CEP57: variants seen among roughly 807,000 people sequenced by gnomAD.
CEP57 encodes centrosomal protein of 57 kDa.
Under a neutral mutation model 68.0 loss-of-function variants are expected in CEP57, and 40 were observed. That is an observed-to-expected ratio of 0.59 (90% CI 0.46 to 0.77). CEP57 has a LOEUF of 0.77. Ranked by LOEUF, CEP57 falls within the 30% of genes least tolerant of loss-of-function variation. CEP57 has a pLI of 0.00. For synonymous variants in CEP57, 219 were observed against 198.7 expected (o/e 1.10, Z -0.86); for missense variants, 606 against 580.7 (o/e 1.04, Z -0.45).
intron 4 of CEP57, 23 bp downstream of exon 4, chr11:95,813,612 T>C: frequency 6.2e-7 from 1 of 1,611,524 alleles, no homozygotes; most frequent in Non-Finnish European, 8.5e-7. Flanking sequence ...CCTCACAGAT[T>C]GATACTCAAG....
intron 2 of CEP57, among the ~76,000 whole-genome samples, chr11:95,812,591 C>T (rs899094129): frequency 1.3e-5 from 2 of 151,800 alleles, no homozygotes; most frequent in South Asian, 2.1e-4. Context: ...TACAGGCGCC[C>T]GCCACTATGC....
chr11:95,827,436 T>C (rs562357885), intron 8 of CEP57: 1 of 260,550 alleles, frequency 3.8e-6, no homozygotes, highest in Admixed American at 5.0e-5. Flanking sequence ...ATATTTGAAC[T>C]GGGTTTTAAA....
chr11:95,799,524 T>C (rs1283865574), intron 2 of CEP57, 136 bp downstream of exon 2: 1 of 1,052,268 alleles, frequency 9.5e-7, no homozygotes, highest in Non-Finnish European at 1.4e-6. Context: ...CCAGAAAATA[T>C]TATGCTTTTC....
At chr11:95,791,153 A>G (rs758847737) in intron 1 of CEP57, among the ~76,000 whole-genome samples, 1 of 152,152 alleles carries the variant, frequency 6.6e-6, no homozygotes, top group Non-Finnish European at 1.5e-5. Context: ...GACGTTGCAG[A>G]ATAGTAGTCC....
chr11:95,814,954 A>G (rs1370391216), intron 4 of CEP57, among the ~76,000 whole-genome samples: 1 of 152,228 alleles, frequency 6.6e-6, no homozygotes, highest in Non-Finnish European at 1.5e-5. Flanking sequence ...TATACTATAA[A>G]TTATCTCTAG....
At chr11:95,821,075 A>C (rs967027206) in intron 6 of CEP57, among the ~76,000 whole-genome samples, 1 of 152,244 alleles carries the variant, frequency 6.6e-6, no homozygotes, top group African/African-American at 2.4e-5. Context: ...AATTTCCCCA[A>C]TCTGGAAAGG....
chr11:95,827,929 T>A lies in CEP57; in HGVS notation c.1029T>A (p.Ser343Arg), dbSNP rs539891523. 1.2e-5 allele frequency: 20 copies of A among 1,614,094 alleles called. No individual in the cohort carries two copies. The African/African-American group carries it at 1.3e-4, about 11-fold the overall frequency. The change falls in exon 9 of 11, where the codon AGT (serine) becomes AGA (arginine). Residue 343 changes from serine to arginine, a missense_variant. Coordinates refer to ENST00000325542, the MANE Select transcript of CEP57 (RefSeq NM_014679.5). The part of the protein sequence containing the change: ...AKQVSSRGGK[S>R]KKLSVTPPSS... ...AAGTATCTTCACGAGGTGGTAAAAG[T>A]AAGAAGTTGTCAGTAACACCTCCCT...
intron 4 of CEP57, among the ~76,000 whole-genome samples, chr11:95,817,012 A>G (rs951092647): frequency 6.6e-6 from 1 of 151,284 alleles, no homozygotes; most frequent in African/African-American, 2.4e-5. Flanking sequence ...CCCCATCTCA[A>G]AAAAAAAACA....
At chr11:95,828,567 C>G (rs1862857627) in intron 9 of CEP57, among the ~76,000 whole-genome samples, 1 of 152,152 alleles carries the variant, frequency 6.6e-6, no homozygotes, top group African/African-American at 2.4e-5. Context: ...CATCATCTGG[C>G]ACCTGACATC....
chr11:95,828,106 C>G, intron 9 of CEP57, 79 bp downstream of exon 9: 1 of 1,488,996 alleles, frequency 6.7e-7, no homozygotes, highest in Non-Finnish European at 9.1e-7. Flanking sequence ...TTTATTAAAT[C>G]TTACTTTCCT....
intron 2 of CEP57, among the ~76,000 whole-genome samples, chr11:95,803,868 G>T (rs948562007): frequency 6.6e-6 from 1 of 152,078 alleles, no homozygotes; most frequent in African/African-American, 2.4e-5. Flanking sequence ...GGGTTTCAGC[G>T]TGTGTCCCTT....
intron 2 of CEP57, among the ~76,000 whole-genome samples, chr11:95,802,451 A>T (rs1473717505): frequency 6.6e-6 from 1 of 151,724 alleles, no homozygotes; most frequent in Non-Finnish European, 1.5e-5. Context: ...GACAGGGTTT[A>T]ACCATGTTGG....
chr11:95,794,569 AGTGT>A (rs111888918), intron 1 of CEP57, among the ~76,000 whole-genome samples: 7 of 149,964 alleles, frequency 4.7e-5, no homozygotes, highest in African/African-American at 1.5e-4. Context: ...AACCTTTACT[AGTGT>A]GTGTGTGTGT....
chr11:95,822,868 AAT>A (rs1862572686), intron 8 of CEP57: 1 of 396,452 alleles, frequency 2.5e-6, no homozygotes, highest in South Asian at 2.5e-5. Flanking sequence ...GGAAATAAGA[AAT>A]AGTATGTTTG....
At chr11:95,797,514 C>A (rs1861399636) in intron 1 of CEP57, among the ~76,000 whole-genome samples, 1 of 152,044 alleles carries the variant, frequency 6.6e-6, no homozygotes, top group Non-Finnish European at 1.5e-5. Flanking sequence ...TTCTGGCAAC[C>A]AGCTTCCAGA....
intron 2 of CEP57, among the ~76,000 whole-genome samples, chr11:95,811,166 CAA>C (rs1306301888): frequency 6.6e-6 from 1 of 152,080 alleles, no homozygotes; most frequent in Admixed American, 6.5e-5. Context: ...TTCACAATAG[CAA>C]AGACTTGGAA....
At chr11:95,818,392 CAA>C (rs535520739) in intron 5 of CEP57, among the ~76,000 whole-genome samples, 49 of 141,828 alleles carry the variant, frequency 3.5e-4, no homozygotes, top group African/African-American at 1.2e-3. Context: ...GTCAGGGCAA[CAA>C]GAGCGAAACT....
At position 95,817,792 on chromosome 11, in the gene CEP57, C is replaced by G. The variant is rs201373134; in HGVS notation, c.510C>G (p.Ser170=). 1.9e-5 allele frequency: 30 copies of G among 1,608,842 alleles called. No homozygotes were observed. The highest frequency in any genetic ancestry group is 2.6e-5 in the Non-Finnish European group (30 of 1,175,378). The change falls in exon 5 of 11, where the codon TCC becomes TCG. Residue 170 remains serine (S), a synonymous_variant. Coordinates refer to ENST00000325542, the MANE Select transcript of CEP57 (RefSeq NM_014679.5). ...TATTGAATATTGTTTTTCAGGTTTC[C>G]CTAGAAAGAGAACGACAACATGATC... is the stretch of plus-strand genomic sequence containing the variant. ...ERTSVLEKQV[S]LERERQHDQT... is the part of the protein sequence containing the mutation.
chr11:95,829,087 T>G, intron 9 of CEP57, 100 bp from the exon 10 acceptor site: 3 of 1,302,108 alleles, frequency 2.3e-6, no homozygotes, highest in Non-Finnish European at 3.3e-6. Flanking sequence ...AATGGAGTCA[T>G]TTTTTAAACA....
Sources: allele counts gnomAD v4.1 joint callset (sites outside exome capture counted in the v4.1 genomes callset), GRCh38; gene constraint gnomAD v4.1.1; transcripts MANE v1.5; gene names NCBI Gene and HGNC (gene_info 2026-07-23, HGNC 2026-07-21).